Variants in ADGRV1 observed in about 807,000 individuals in gnomAD.
The protein encoded by ADGRV1 is G-protein coupled receptor 98.
Under a neutral mutation model 596.2 loss-of-function variants are expected in ADGRV1, and 359 were observed. The observed-to-expected ratio is 0.60, with a 90% CI of 0.55 to 0.66. The LOEUF (loss-of-function observed/expected upper bound fraction) is 0.66. Ranked by LOEUF, ADGRV1 falls within the 30% of genes least tolerant of loss-of-function variation. The pLI, the probability that ADGRV1 is intolerant of heterozygous loss-of-function variation, is 0.00. For synonymous variants in ADGRV1, 2,681 were observed against 2,679.2 expected, an observed-to-expected ratio of 1.00 and a Z score of -0.02; for missense variants, 7,274 against 7,575.6, an observed-to-expected ratio of 0.96 and a Z score of 1.48.
intron 69 of ADGRV1, among the ~76,000 whole-genome samples, chr5:90,790,263 A>G (rs2150131085): frequency 6.6e-6 from 1 of 152,318 alleles, no homozygotes; most frequent in East Asian, 1.9e-4. Context: ...ATATTTAGAT[A>G]GAATGTTTGG....
intron 25 of ADGRV1, among the ~76,000 whole-genome samples, chr5:90,679,171 C>T (rs1481655171): frequency 2.6e-5 from 4 of 152,072 alleles, no homozygotes; most frequent in Non-Finnish European, 5.9e-5. Context: ...AGGTGATTAT[C>T]ACAGGCATAT....
At chr5:90,991,823 T>C (rs546001440) in intron 85 of ADGRV1, among the ~76,000 whole-genome samples, 1 of 152,334 alleles carries the variant, frequency 6.6e-6, no homozygotes, top group African/African-American at 2.4e-5. Context: ...ATGGGAAATA[T>C]GATATCATAT....
intron 84 of ADGRV1, among the ~76,000 whole-genome samples, chr5:90,976,570 T>G (rs1315187659): frequency 1.3e-5 from 2 of 151,970 alleles, no homozygotes; most frequent in Non-Finnish European, 2.9e-5. Flanking sequence ...ATAGAATAAA[T>G]TCCTAGGAAT....
intron 77 of ADGRV1, among the ~76,000 whole-genome samples, chr5:90,838,841 T>C (rs1765186688): frequency 6.6e-6 from 1 of 152,118 alleles, no homozygotes; most frequent in African/African-American, 2.4e-5. Context: ...GCCTTGTTGA[T>C]ATAGCGAGAC....
chr5:90,948,223 A>T (rs1776761140), intron 83 of ADGRV1, among the ~76,000 whole-genome samples: 1 of 152,116 alleles, frequency 6.6e-6, no homozygotes. Context: ...GTCTGGTTCC[A>T]AAGTCTGAAA....
chr5:91,081,339 C>A (rs187526164), intron 86 of ADGRV1, among the ~76,000 whole-genome samples: 1 of 152,224 alleles, frequency 6.6e-6, no homozygotes, highest in East Asian at 1.9e-4. Context: ...TGATGTCTCC[C>A]ATCATCTCAT....
At chr5:90,598,988 CA>C (rs369478813) in intron 1 of ADGRV1, among the ~76,000 whole-genome samples, 3,200 of 151,852 alleles carry the variant, frequency 0.021, 88 homozygotes, top group African/African-American at 0.063. Flanking sequence ...GCATTTAAAA[CA>C]AAAAAACCCA....
At chr5:90,568,424 C>T (rs1218906614) in intron 1 of ADGRV1, among the ~76,000 whole-genome samples, 1 of 151,966 alleles carries the variant, frequency 6.6e-6, no homozygotes, top group Non-Finnish European at 1.5e-5. Flanking sequence ...GTACATTTTG[C>T]ACTTTTTTCT....
chr5:90,926,101 G>A (rs922258600), intron 83 of ADGRV1, among the ~76,000 whole-genome samples: 9 of 139,680 alleles, frequency 6.4e-5, no homozygotes, highest in Non-Finnish European at 1.2e-4. Context: ...CTCTTTTTTG[G>A]TTGTGTCTCT....
intron 76 of ADGRV1, among the ~76,000 whole-genome samples, chr5:90,823,944 T>TA (rs1763840860): frequency 6.6e-6 from 1 of 152,174 alleles, no homozygotes; most frequent in African/African-American, 2.4e-5. Context: ...CCTTCCTACT[T>TA]ACATACAAAG....
At chr5:90,663,960 C>T (rs2149500029) in intron 21 of ADGRV1, among the ~76,000 whole-genome samples, 1 of 148,908 alleles carries the variant, frequency 6.7e-6, no homozygotes, top group East Asian at 2.0e-4. Context: ...CTGTTCTGTT[C>T]CATTGATCTA....
chr5:91,065,797 A>G (rs1282665880), intron 85 of ADGRV1, among the ~76,000 whole-genome samples: 1 of 152,238 alleles, frequency 6.6e-6, no homozygotes, highest in Non-Finnish European at 1.5e-5. Flanking sequence ...CTCCGAGGGT[A>G]GACTCAGAGG....
chr5:90,957,395 C>A (rs1777569969), intron 83 of ADGRV1, among the ~76,000 whole-genome samples: 3 of 151,208 alleles, frequency 2.0e-5, no homozygotes, highest in African/African-American at 7.3e-5. Flanking sequence ...GGCTGTATAC[C>A]AGATGAAAAA....
intron 84 of ADGRV1, among the ~76,000 whole-genome samples, chr5:90,978,211 C>T (rs1433235059): frequency 6.6e-6 from 1 of 151,954 alleles, no homozygotes; most frequent in East Asian, 1.9e-4. Context: ...AGGAGAATGG[C>T]GTGAACCCGG....
rs140808738 is a variant in ADGRV1 at position 90,752,309 on chromosome 5, T to C, written c.11122-1265T>C. Among the ~76,000 whole-genome samples the C allele has an allele frequency of 9.3e-3, 1,417 of 152,284 alleles. 12 individuals carry two copies. Among genetic ancestry groups the C allele is most frequent in the Middle Eastern group, 0.058 (17 of 294 alleles). ...GCTCTTGAATTTATTTTTTTAACTT[T>C]TATTTTAAGTTCAGGGGTACCTATG... On this transcript the variant is annotated intron_variant, in intron 53 of 89. Coordinates refer to ENST00000405460, the MANE Select transcript of ADGRV1 (RefSeq NM_032119.4).
chr5:90,815,670 G>A lies in ADGRV1; in HGVS notation c.16130G>A (p.Gly5377Glu), dbSNP rs1387862243. ...IIGFSEESQS[G>E]LELREGAVMR... ...GGATTCAGTGAGGAGTCCCAGAGTG[G>A]ACTAGAACTCAGGGAAGGAGCTGTT... Residue 5377 changes from glycine (G) to glutamate (E), a missense_variant, in exon 75 of 90, where the codon GGA becomes GAA. Around this residue, in one of 5 missense-constraint regions of ADGRV1, gnomAD observed 1,874 missense variants for 1,970.2 expected, o/e 0.95. Coordinates refer to ENST00000405460, the MANE Select transcript of ADGRV1 (RefSeq NM_032119.4). 2.5e-6 allele frequency: 4 copies of A among 1,580,722 alleles called. No homozygotes were observed.
At position 90,802,750 on chromosome 5, in the gene ADGRV1, A is replaced by C. The variant is rs1327334246; in HGVS notation, c.14529A>C (p.Ser4843=). 6.2e-7 allele frequency: 1 copy of C among 1,611,726 alleles called. No homozygotes were observed. The highest frequency in any genetic ancestry group is 8.5e-7 in the Non-Finnish European group (1 of 1,178,808). The change falls in exon 71 of 90, where the codon TCA becomes TCC. Residue 4843 remains serine (S), a synonymous_variant. Transcript: ENST00000405460. The stretch of plus-strand genomic sequence containing the variant: ...CTGTTTGTTTATAGGTCTTCCTATC[A>C]CTGGGCTCTAATTTCACTTTGCAAC... ...VVPIKNQVFL[S]LGSNFTLQLV...
Position 90,674,118 on chromosome 5 carries a change from TG to T in ADGRV1, c.4996del (p.Val1666PhefsTer10). 1 of 1,613,474 alleles carries T rather than the reference TG, an allele frequency of 6.2e-7. No individual in the cohort carries two copies. The highest frequency in any genetic ancestry group is 8.5e-7 in the Non-Finnish European group (1 of 1,179,536). ...PELNEYFRVT[L>X]VSAIPGDGKL... ...CTTAATGAGTATTTCCGTGTGACATTGGTTTCTGCAATTCCTGGAGATGGGA... is the reference window on the plus strand; with the variant it reads ...CTTAATGAGTATTTCCGTGTGACATTGTTTCTGCAATTCCTGGAGATGGGA... On this transcript the variant is annotated frameshift_variant, in exon 23 of 90. Coordinates refer to ENST00000405460, the MANE Select transcript of ADGRV1 (RefSeq NM_032119.4). LOFTEE classifies it high-confidence loss of function.
chr5:91,145,031 G>C (rs1374455914), intron 87 of ADGRV1, among the ~76,000 whole-genome samples: 1 of 152,208 alleles, frequency 6.6e-6, no homozygotes, highest in African/African-American at 2.4e-5. Flanking sequence ...TGAGTACTTT[G>C]GATAATGAAA....
Sources: gnomAD v4.1 joint callset for allele counts (sites outside exome capture counted in the v4.1 genomes callset) on GRCh38, gnomAD v4.1.1 for gene constraint, gnomAD v4.1.1 regional missense constraint, MANE v1.5 for transcripts, NCBI Gene and HGNC (gene_info 2026-07-23, HGNC 2026-07-21) for gene names.